Variants in PDE11A observed in about 807,000 individuals in gnomAD.
PDE11A encodes the protein dual 3',5'-cyclic-AMP and -GMP phosphodiesterase 11A.
A neutral mutation model predicts 100.5 loss-of-function variants in PDE11A; 100 were observed. The ratio of observed to expected loss-of-function variants is 1.00; its 90% CI spans 0.85 to 1.18. PDE11A has a LOEUF of 1.18. PDE11A is among the 50% of genes most tolerant of loss of function. The pLI, the probability that PDE11A is intolerant of heterozygous loss-of-function variation, is 0.00. For missense variants in PDE11A, 1,141 were observed against 1,152.6 expected, an observed-to-expected ratio of 0.99 and a Z score of 0.15; for synonymous variants, 381 against 420.8, an observed-to-expected ratio of 0.91 and a Z score of 1.16.
intron 9 of PDE11A, among the ~76,000 whole-genome samples, chr2:177,777,797 T>C (rs965515060): frequency 6.6e-6 from 1 of 152,188 alleles, no homozygotes; most frequent in East Asian, 1.9e-4. Context: ...CTAAATAAAA[T>C]TTGTGTAAAG....
chr2:178,003,955 A>T (rs2086174620), intron 2 of PDE11A, among the ~76,000 whole-genome samples: 1 of 152,160 alleles, frequency 6.6e-6, no homozygotes, highest in Non-Finnish European at 1.5e-5. Context: ...AACAACCTAA[A>T]TGTTAAGAAA....
intron 7 of PDE11A, among the ~76,000 whole-genome samples, chr2:177,819,844 A>G (rs751972775): frequency 1.9e-5 from 2 of 103,536 alleles, no homozygotes; most frequent in Non-Finnish European, 3.9e-5. Flanking sequence ...TCTTGAAGTC[A>G]TTTCTCTTTC....
intron 13 of PDE11A, among the ~76,000 whole-genome samples, chr2:177,702,214 C>G (rs572049097): frequency 5.1e-4 from 77 of 152,104 alleles, no homozygotes; most frequent in African/African-American, 1.8e-3. Context: ...ACTTGGGAGT[C>G]TGAGGCAGGA....
At chr2:178,019,733 G>A (rs1047195952) in intron 1 of PDE11A, among the ~76,000 whole-genome samples, 38 of 152,306 alleles carry the variant, frequency 2.5e-4, no homozygotes, top group Middle Eastern at 3.4e-3. Flanking sequence ...TATGTTGGAA[G>A]TTGAGTCTGT....
chr2:177,999,906 T>C (rs2086123194), intron 2 of PDE11A, among the ~76,000 whole-genome samples: 2 of 152,196 alleles, frequency 1.3e-5, no homozygotes, highest in African/African-American at 2.4e-5. Context: ...TCAAAACCAC[T>C]CATTACTTTC....
At chr2:177,655,754 C>G (rs1159708529) in intron 19 of PDE11A, among the ~76,000 whole-genome samples, 2 of 152,098 alleles carry the variant, frequency 1.3e-5, no homozygotes, top group Non-Finnish European at 2.9e-5. Flanking sequence ...CTTTTAGACA[C>G]TACAGGATCC....
chr2:177,798,933 G>A (rs1289693600), intron 9 of PDE11A, among the ~76,000 whole-genome samples: 2 of 152,104 alleles, frequency 1.3e-5, no homozygotes, highest in African/African-American at 4.8e-5. Context: ...CTGTACATTG[G>A]GGAAACCTGA....
At chr2:177,869,242 C>T (rs2084083155) in intron 5 of PDE11A, among the ~76,000 whole-genome samples, 1 of 152,232 alleles carries the variant, frequency 6.6e-6, no homozygotes, top group Non-Finnish European at 1.5e-5. Flanking sequence ...GTCACAAGTT[C>T]ATCATGACGT....
intron 1 of PDE11A, among the ~76,000 whole-genome samples, chr2:178,039,643 T>C (rs2086659409): frequency 6.7e-6 from 1 of 150,334 alleles, no homozygotes; most frequent in Non-Finnish European, 1.5e-5. Flanking sequence ...GCAACATTAC[T>C]GATAAAAGCA....
At chr2:177,741,626 GAA>G (rs1440545887) in intron 10 of PDE11A, among the ~76,000 whole-genome samples, 7 of 152,168 alleles carry the variant, frequency 4.6e-5, no homozygotes, top group African/African-American at 1.7e-4. Flanking sequence ...GTGCCTTAGA[GAA>G]CGCAACCTAG....
At chr2:177,823,793 G>A (rs1558956818) in intron 6 of PDE11A, among the ~76,000 whole-genome samples, 1 of 152,206 alleles carries the variant, frequency 6.6e-6, no homozygotes. Flanking sequence ...GGCTGGGTCT[G>A]CTTTGTTTTG....
rs79903863 is a variant in PDE11A at position 177,669,537 on chromosome 2, C to A, written c.2518G>T (p.Glu840Ter). 96 of 1,478,792 alleles carry A rather than the reference C, an allele frequency of 6.5e-5. No homozygotes were observed. In the East Asian group the frequency reaches 1.9e-3, roughly 29 times the overall value. 91.6% of individuals were successfully genotyped at this position (1,478,792 alleles called of 1,614,324 possible). A position where few individuals can be genotyped will look rare whatever the true frequency, so the allele number is the denominator to read the frequency against. The stretch of plus-strand genomic sequence containing the variant: ...TCTAATCTCTCCCGATCTCCTTGTT[C>A]GAAGAACTCACTGGTTACAAGTTCT... The part of the protein sequence containing the change: ...VAELVTSEFF[E>*]QGDRERLELK... Residue 840 changes from glutamate to a stop codon, truncating the protein, a stop_gained, in exon 18 of 20, where the codon GAA becomes TAA. Transcript: ENST00000286063. LOFTEE classifies it high-confidence loss of function.
chr2:178,050,125 C>T (rs1246317330), intron 1 of PDE11A, among the ~76,000 whole-genome samples: 4 of 152,244 alleles, frequency 2.6e-5, no homozygotes, highest in East Asian at 1.9e-4. Flanking sequence ...ACACCTCATA[C>T]GGCCAGGTGC....
chr2:178,024,899 T>A (rs1466859677), intron 1 of PDE11A, among the ~76,000 whole-genome samples: 1 of 152,222 alleles, frequency 6.6e-6, no homozygotes, highest in South Asian at 2.1e-4. Context: ...AATTGATTAG[T>A]CTTTAATGAC....
At chr2:177,800,507 A>G (rs1346628867) in intron 9 of PDE11A, among the ~76,000 whole-genome samples, 1 of 152,026 alleles carries the variant, frequency 6.6e-6, no homozygotes, top group Non-Finnish European at 1.5e-5. Flanking sequence ...CCTTTTAATC[A>G]CCTAACTGTA....
intron 5 of PDE11A, among the ~76,000 whole-genome samples, chr2:177,849,839 G>C (rs567159636): frequency 8.0e-4 from 121 of 151,590 alleles, no homozygotes; most frequent in Admixed American, 3.1e-3. Context: ...GAATGTGAAG[G>C]ACCTCTTCAA....
intron 1 of PDE11A, among the ~76,000 whole-genome samples, chr2:178,016,737 T>C (rs1219194318): frequency 1.3e-5 from 2 of 152,096 alleles, no homozygotes; most frequent in Non-Finnish European, 2.9e-5. Context: ...GAAAGAACTT[T>C]CCAGGAAGAT....
intron 1 of PDE11A, among the ~76,000 whole-genome samples, chr2:178,046,762 T>A (rs2086756872): frequency 6.6e-6 from 1 of 152,220 alleles, no homozygotes; most frequent in Non-Finnish European, 1.5e-5. Context: ...CTGGGTCCAA[T>A]TATTGCTCAT....
intron 5 of PDE11A, among the ~76,000 whole-genome samples, chr2:177,841,302 G>A (rs990468026): frequency 4.6e-5 from 7 of 152,166 alleles, no homozygotes; most frequent in African/African-American, 1.7e-4. Flanking sequence ...AATTTTCCTG[G>A]AGGATGTCTG....
Sources: allele counts gnomAD v4.1 joint callset (sites outside exome capture counted in the v4.1 genomes callset), GRCh38; gene constraint gnomAD v4.1.1; transcripts MANE v1.5; gene names NCBI Gene and HGNC (gene_info 2026-07-23, HGNC 2026-07-21).